ESR1: variants seen among roughly 807,000 people sequenced by gnomAD.
ESR1 encodes the protein estrogen receptor.
ESR1 carries 12 observed loss-of-function variants against 52.7 expected under a neutral mutation model. That is an observed-to-expected ratio of 0.23 (90% confidence interval 0.15 to 0.37). The LOEUF (loss-of-function observed/expected upper bound fraction) is 0.37, where lower values mean the gene tolerates loss of function less well. Ranked by LOEUF, ESR1 falls within the 10% of genes least tolerant of loss-of-function variation. ESR1 has a pLI of 1.00. For synonymous variants in ESR1, 305 were observed against 316.8 expected (o/e 0.96, Z 0.39); for missense variants, 584 against 779.7 (o/e 0.75, Z 2.99).
intron 1 of ESR1, among the ~76,000 whole-genome samples, chr6:151,683,120 T>C (rs1313924881): frequency 2.0e-5 from 3 of 152,254 alleles, no homozygotes; most frequent in African/African-American, 7.2e-5. Flanking sequence ...AAATATGTAC[T>C]GTCTCCGATG....
Position 152,009,738 on chromosome 6 carries a change from C to G in ESR1, c.1097-1918C>G, listed in dbSNP as rs1026558546. Among the ~76,000 whole-genome samples, 8 of 152,060 alleles carry G rather than the reference C, an allele frequency of 5.3e-5. No individual in the cohort carries two copies. In the South Asian group the frequency reaches 6.2e-4, roughly 12 times the overall value. ...GATATCCTACTCTTACGTATTTAAC[C>G]AAGAGAAATAAAAGCATATATCCAT... On this transcript the variant is annotated intron_variant, in intron 4 of 7. Transcript: ENST00000206249.
intron 1 of ESR1, among the ~76,000 whole-genome samples, chr6:151,824,605 G>C (rs1280323665): frequency 6.6e-6 from 1 of 152,074 alleles, no homozygotes; most frequent in African/African-American, 2.4e-5. Context: ...TATGGTTTTA[G>C]GTCTAACATT....
chr6:152,008,367 C>T (rs148671345), intron 4 of ESR1, among the ~76,000 whole-genome samples: 19 of 152,196 alleles, frequency 1.2e-4, no homozygotes, highest in South Asian at 1.0e-3. Flanking sequence ...TACAACATTT[C>T]AACGGAAGGA....
intron 3 of ESR1, among the ~76,000 whole-genome samples, chr6:151,919,668 C>T (rs1276877779): frequency 6.6e-6 from 1 of 152,042 alleles, no homozygotes; most frequent in East Asian, 1.9e-4. Flanking sequence ...AAAGTGTCAG[C>T]GGATATTTTA....
chr6:151,878,681 T>C (rs1034139888), intron 2 of ESR1, among the ~76,000 whole-genome samples: 7 of 152,190 alleles, frequency 4.6e-5, no homozygotes, highest in African/African-American at 1.7e-4. Context: ...GTGTGAAATA[T>C]ATATTCAGTT....
In ESR1 at chr6:152,108,685, A is replaced by G. The variant is rs1419786979; in HGVS notation, c.851-16581A>G. 2.0e-5 allele frequency among the ~76,000 whole-genome samples: 3 copies of G among 152,172 alleles called. No homozygotes were observed. The East Asian group carries it at 5.8e-4, about 29-fold the overall frequency. On this transcript the variant is annotated intron_variant, in intron 6 of 6. Coordinates refer to the ESR1 transcript ENST00000427531. The stretch of plus-strand genomic sequence containing the variant: ...ACTGAGCAATCTATGGAGCTTTTAA[A>G]TGTACCCATTGGAGTGTGCCAATGT...
intron 1 of ESR1, among the ~76,000 whole-genome samples, chr6:151,679,025 G>C (rs1219041371): frequency 6.6e-5 from 10 of 152,074 alleles, no homozygotes; most frequent in Admixed American, 5.2e-4. Flanking sequence ...CTCCTCTTCT[G>C]GCCTGGTCCC....
chr6:152,008,379 C>T (rs1209106814), intron 4 of ESR1, among the ~76,000 whole-genome samples: 4 of 152,062 alleles, frequency 2.6e-5, no homozygotes, highest in African/African-American at 7.2e-5. Context: ...ACGGAAGGAT[C>T]GAGCAATCCG....
At chr6:151,805,983 G>C (rs1239352370), upstream of ESR1, among the ~76,000 whole-genome samples, 1 of 152,124 alleles carries the variant, frequency 6.6e-6, no homozygotes, top group Non-Finnish European at 1.5e-5. Flanking sequence ...GATTCTTTGT[G>C]CCATTTGCAT....
rs9397459 is a variant in ESR1 at position 151,944,524 on chromosome 6, G to T, written c.1096+16G>T. 8.7e-6 allele frequency: 14 copies of T among 1,610,858 alleles called. No homozygotes were observed. The highest frequency in any genetic ancestry group is 1.2e-5 in the Non-Finnish European group (14 of 1,177,136). Reference sequence around the variant, plus strand: ...AGGGTGCCAGGTAAGAATGCGAAGCGCAGCTTTTAAGAGTCAATAGCTTTT... The same window carrying T: ...AGGGTGCCAGGTAAGAATGCGAAGCTCAGCTTTTAAGAGTCAATAGCTTTT... On this transcript the variant is annotated intron_variant, in intron 4 of 7. Transcript: ENST00000206249.
intron 2 of ESR1, among the ~76,000 whole-genome samples, chr6:151,859,814 C>A (rs1317699541): frequency 6.6e-6 from 1 of 152,154 alleles, no homozygotes. Context: ...CCTGTGAAAT[C>A]ATTGTGAGCC....
chr6:152,058,884 G>C (rs1190992339), intron 5 of ESR1, among the ~76,000 whole-genome samples: 2 of 152,136 alleles, frequency 1.3e-5, no homozygotes, highest in African/African-American at 4.8e-5. Flanking sequence ...AATGTGATTT[G>C]ACGTAACAAT....
chr6:151,788,159 C>A (rs1787195962), intron 2 of ESR1, among the ~76,000 whole-genome samples: 1 of 152,122 alleles, frequency 6.6e-6, no homozygotes, highest in Non-Finnish European at 1.5e-5. Flanking sequence ...AAACTATCAA[C>A]AGAGTAAACA....
chr6:151,895,728 C>T (rs1374183500), intron 3 of ESR1, among the ~76,000 whole-genome samples: 6 of 152,162 alleles, frequency 3.9e-5, no homozygotes, highest in African/African-American at 1.2e-4. Flanking sequence ...ATCCCTGCAT[C>T]CCTGGTATGA....
intron 5 of ESR1, among the ~76,000 whole-genome samples, chr6:152,051,913 A>T (rs924285438): frequency 1.3e-5 from 2 of 152,136 alleles, no homozygotes; most frequent in African/African-American, 4.8e-5. Flanking sequence ...TCATTACTAT[A>T]TTCTTATCAA....
intron 1 of ESR1, among the ~76,000 whole-genome samples, chr6:151,657,550 G>A (rs1050602999): frequency 6.6e-6 from 1 of 152,134 alleles, no homozygotes; most frequent in Non-Finnish European, 1.5e-5. Context: ...TACCATGGGT[G>A]TTTAGGTTTT....
intron 1 of ESR1, among the ~76,000 whole-genome samples, chr6:151,827,449 G>A (rs1210851447): frequency 3.3e-5 from 5 of 151,980 alleles, no homozygotes; most frequent in Admixed American, 3.3e-4. Flanking sequence ...CTTTTACTCT[G>A]AGTGAGTCGA....
intron 4 of ESR1, among the ~76,000 whole-genome samples, chr6:151,992,097 T>C (rs2041080560): frequency 6.6e-6 from 1 of 152,176 alleles, no homozygotes; most frequent in East Asian, 1.9e-4. Context: ...GTGAGCTCTT[T>C]GAGGGCAGAA....
intron 2 of ESR1, among the ~76,000 whole-genome samples, chr6:151,734,863 C>T (rs771354746): frequency 6.6e-6 from 1 of 152,178 alleles, no homozygotes; most frequent in Non-Finnish European, 1.5e-5. Context: ...CTCAAGGAAT[C>T]TGCCTGCCTC....
Sources: gnomAD v4.1 joint callset for allele counts (sites outside exome capture counted in the v4.1 genomes callset) on GRCh38, gnomAD v4.1.1 for gene constraint, MANE v1.5 for transcripts, NCBI Gene and HGNC (gene_info 2026-07-23, HGNC 2026-07-21) for gene names.